The following MMD variants were observed in gnomAD, a reference collection of about 807,000 sequenced individuals.
The protein encoded by MMD is monocyte to macrophage differentiation associated.
Under a neutral mutation model 33.6 loss-of-function variants are expected in MMD, and 22 were observed. The observed-to-expected ratio is 0.66, with a 90% CI of 0.47 to 0.94. MMD has a LOEUF of 0.94. Ranked by LOEUF, MMD falls within the 40% of genes least tolerant of loss-of-function variation. The pLI is 0.00. For synonymous variants in MMD, 97 were observed against 103.2 expected (o/e 0.94, Z 0.36); for missense variants, 242 against 309.8 (o/e 0.78, Z 1.64).
At chr17:55,403,630 G>T in intron 5 of MMD, 137 bp downstream of exon 5, 1 of 569,180 alleles carries the variant, frequency 1.8e-6, no homozygotes, top group Non-Finnish European at 2.9e-6. Flanking sequence ...TGGTTTTGAA[G>T]ATTTATTAAA....
chr17:55,397,293 C>A lies in MMD; in HGVS notation c.517-2759G>T, dbSNP rs1397177840. Among the ~76,000 whole-genome samples, 9 of 151,784 alleles carry A rather than the reference C, an allele frequency of 5.9e-5. No individual in the cohort carries two copies. In the East Asian group the frequency reaches 1.8e-3, roughly 30 times the overall value. ...TCTCCTGCCTCAGCCTCCCAAGTAG[C>A]TGGGACTACAGGTGCCCACCACCAC... On this transcript the variant is annotated intron_variant, in intron 6 of 6. Coordinates refer to ENST00000262065, the MANE Select transcript of MMD (RefSeq NM_012329.3).
chr17:55,395,931 A>G (rs537883799), intron 6 of MMD, among the ~76,000 whole-genome samples: 2 of 152,328 alleles, frequency 1.3e-5, no homozygotes, highest in Admixed American at 1.3e-4. Flanking sequence ...CCAAATAGTA[A>G]GAGTCACTCA....
intron 2 of MMD, 86 bp from the exon 3 acceptor site, chr17:55,411,503 G>T (rs1907762331): frequency 1.4e-6 from 2 of 1,381,438 alleles, no homozygotes; most frequent in African/African-American, 2.9e-5. Context: ...GCTTTACCAG[G>T]AACAATTTTA....
chr17:55,402,090 AAAAAAAAAAAAAAAG>A (rs1205140110), intron 5 of MMD, among the ~76,000 whole-genome samples: 1 of 149,310 alleles, frequency 6.7e-6, no homozygotes, highest in Admixed American at 6.7e-5. Context: ...TCAGTCTCAA[AAAAAAAAAAAAAAAG>A]AAAAGAAAAA....
chr17:55,411,850 G>A (rs1352180112), intron 2 of MMD, among the ~76,000 whole-genome samples: 1 of 152,170 alleles, frequency 6.6e-6, no homozygotes, highest in Admixed American at 6.5e-5. Context: ...GCTGAGGCAG[G>A]AGAATCGCTT....
At chr17:55,395,650 C>A (rs1314971945) in intron 6 of MMD, among the ~76,000 whole-genome samples, 2 of 152,190 alleles carry the variant, frequency 1.3e-5, no homozygotes, top group African/African-American at 2.4e-5. Flanking sequence ...CAGAAGCCCC[C>A]ATGTTTTGTG....
At chr17:55,404,323 C>T (rs1907459023) in intron 4 of MMD, 1 of 425,388 alleles carries the variant, frequency 2.4e-6, no homozygotes, top group African/African-American at 2.2e-5. Flanking sequence ...CCACTGCACT[C>T]CAGTCTGGGC....
intron 6 of MMD, among the ~76,000 whole-genome samples, chr17:55,396,269 T>C (rs1009730185): frequency 6.6e-6 from 1 of 152,208 alleles, no homozygotes; most frequent in African/African-American, 2.4e-5. Context: ...TATTTATTCA[T>C]TTAATCTTCA....
chr17:55,406,053 T>C (rs1907530730), intron 4 of MMD, among the ~76,000 whole-genome samples: 1 of 152,362 alleles, frequency 6.6e-6, no homozygotes, highest in Admixed American at 6.5e-5. Flanking sequence ...ACACACTTGC[T>C]ATATAGTAGC....
chr17:55,408,583 T>C (rs2143143076), intron 3 of MMD, among the ~76,000 whole-genome samples: 1 of 152,388 alleles, frequency 6.6e-6, no homozygotes, highest in East Asian at 1.9e-4. Context: ...ATCTTGAATC[T>C]ATTTTCAGTG....
intron 6 of MMD, among the ~76,000 whole-genome samples, chr17:55,398,370 T>C (rs1429855465): frequency 6.6e-6 from 1 of 151,702 alleles, no homozygotes; most frequent in East Asian, 1.9e-4. Context: ...ATGTGGATTC[T>C]TCTTCATAGT....
At chr17:55,418,919 A>T (rs1448008800) in intron 1 of MMD, among the ~76,000 whole-genome samples, 1 of 152,182 alleles carries the variant, frequency 6.6e-6, no homozygotes, top group African/African-American at 2.4e-5. Flanking sequence ...AAATGAGTAC[A>T]CACCAACAAG....
intron 3 of MMD, among the ~76,000 whole-genome samples, chr17:55,408,893 CG>C (rs754824403): frequency 3.0e-4 from 46 of 152,056 alleles, no homozygotes; most frequent in Non-Finnish European, 3.2e-4. Flanking sequence ...CCAAGCTACT[CG>C]GATGGCTGAA....
At chr17:55,409,563 G>A (rs4794579) in intron 3 of MMD, among the ~76,000 whole-genome samples, 89,044 of 152,012 alleles carry the variant, frequency 0.59, 26,534 homozygotes, top group East Asian at 0.8. Context: ...CTAGCATAGT[G>A]CCTAGCACAC....
intron 1 of MMD, among the ~76,000 whole-genome samples, chr17:55,418,398 T>C (rs1195708260): frequency 2.0e-5 from 3 of 152,258 alleles, no homozygotes; most frequent in Non-Finnish European, 4.4e-5. Flanking sequence ...ACTGCTGAAC[T>C]ATTTTGTCTT....
At position 55,421,755 on chromosome 17, in the gene MMD, C is replaced by A; in HGVS notation, c.-60G>T. On this transcript the variant is annotated 5_prime_UTR_variant, in exon 1 of 7. Coordinates refer to ENST00000262065, the MANE Select transcript of MMD (RefSeq NM_012329.3). Reference sequence around the variant, plus strand: ...CGTCTCGTCAGCACCGGCGGCCGGGCGCGCGGCCCTCATGGGCTTGGGCTG... The same window carrying A: ...CGTCTCGTCAGCACCGGCGGCCGGGAGCGCGGCCCTCATGGGCTTGGGCTG... 1 of 1,551,998 alleles carries A rather than the reference C, an allele frequency of 6.4e-7. No individual in the cohort carries two copies. The highest frequency in any genetic ancestry group is 2.1e-5 in the Admixed American group (1 of 48,502).
chr17:55,412,220 C>A (rs1287143029), intron 2 of MMD, among the ~76,000 whole-genome samples: 1 of 152,180 alleles, frequency 6.6e-6, no homozygotes, highest in East Asian at 1.9e-4. Flanking sequence ...CATAGCAACA[C>A]ACACATACAA....
At chr17:55,407,876 G>A (rs911075340) in intron 3 of MMD, 56 bp from the exon 4 acceptor site, 17 of 1,237,286 alleles carry the variant, frequency 1.4e-5, no homozygotes, top group Middle Eastern at 4.3e-4. Flanking sequence ...TGGGAAGTAC[G>A]GGTTATCACT....
intron 1 of MMD, among the ~76,000 whole-genome samples, chr17:55,415,624 C>T (rs148045424): frequency 6.6e-6 from 1 of 152,266 alleles, no homozygotes; most frequent in Non-Finnish European, 1.5e-5. Flanking sequence ...TTAGGAAGAG[C>T]CTGTTATCGT....
Sources: gnomAD v4.1 joint callset for allele counts (sites outside exome capture counted in the v4.1 genomes callset) on GRCh38, gnomAD v4.1.1 for gene constraint, MANE v1.5 for transcripts, NCBI Gene and HGNC (gene_info 2026-07-23, HGNC 2026-07-21) for gene names.